The following RYR3 variants were observed in gnomAD, a reference collection of about 807,000 sequenced individuals.
The protein encoded by RYR3 is ryanodine receptor 3.
In RYR3, 207 loss-of-function variants were observed where a neutral mutation model predicts 584.3. The observed-to-expected ratio is 0.35, with a 90% CI of 0.32 to 0.40. RYR3 has a LOEUF of 0.40. Ranked by LOEUF, RYR3 falls within the 10% of genes least tolerant of loss-of-function variation. The probability of loss-of-function intolerance (pLI) is 1.00; values close to 1 mark genes in which losing one functional copy is unlikely to be tolerated. For missense variants in RYR3, 5,616 were observed against 6,089.2 expected (o/e 0.92, Z 2.59); for synonymous variants, 2,416 against 2,248.5 (o/e 1.07, Z -2.11).
chr15:33,640,469 A>C (rs35692607), intron 27 of RYR3, among the ~76,000 whole-genome samples: 13 of 151,800 alleles, frequency 8.6e-5, no homozygotes, highest in Non-Finnish European at 1.8e-4. Flanking sequence ...GCGGTCATCT[A>C]CCTCCCTCTC....
At chr15:33,809,013 C>T (rs1183681000) in intron 70 of RYR3, among the ~76,000 whole-genome samples, 1 of 152,156 alleles carries the variant, frequency 6.6e-6, no homozygotes, top group East Asian at 1.9e-4. Flanking sequence ...ATTGCAGCCG[C>T]CACAAGTGCT....
intron 28 of RYR3, among the ~76,000 whole-genome samples, chr15:33,644,980 G>A (rs1341717388): frequency 1.3e-5 from 2 of 151,840 alleles, no homozygotes; most frequent in African/African-American, 2.4e-5. Flanking sequence ...TCACTGCACT[G>A]TAGCCTGGGT....
chr15:33,450,153 G>A (rs1242217636), intron 1 of RYR3, among the ~76,000 whole-genome samples: 1 of 139,800 alleles, frequency 7.2e-6, no homozygotes, highest in Non-Finnish European at 1.5e-5. Flanking sequence ...TCTCAAATGG[G>A]AGAATTCCAG....
intron 27 of RYR3, among the ~76,000 whole-genome samples, chr15:33,639,770 T>C (rs1168887476): frequency 6.6e-6 from 1 of 152,208 alleles, no homozygotes; most frequent in Non-Finnish European, 1.5e-5. Flanking sequence ...TTATGCATCA[T>C]AGATTATATG....
intron 67 of RYR3, among the ~76,000 whole-genome samples, chr15:33,793,924 C>A (rs201936213): frequency 7.1e-6 from 1 of 141,778 alleles, no homozygotes; most frequent in Admixed American, 7.3e-5. Flanking sequence ...CACACACACT[C>A]TATATATATA....
At chr15:33,452,724 A>C (rs1478612619) in intron 1 of RYR3, among the ~76,000 whole-genome samples, 1 of 152,134 alleles carries the variant, frequency 6.6e-6, no homozygotes, top group Non-Finnish European at 1.5e-5. Flanking sequence ...AAAAATTGCC[A>C]AAAGTTACAT....
In RYR3 at chr15:33,773,632, G is replaced by C; in HGVS notation, c.9137+17G>C. ...TGTTGAAAGGTAATTAGTGAACGAA[G>C]AGGCTAACACTTTCAGGCATAGTAA... On this transcript the variant is annotated intron_variant, in intron 64 of 103. Transcript: ENST00000634891. 1 of 1,507,548 alleles carries C rather than the reference G, an allele frequency of 6.6e-7. No individual in the cohort carries two copies. Among genetic ancestry groups the C allele is most frequent in the Non-Finnish European group, 9.2e-7 (1 of 1,091,650 alleles). 93.4% of individuals were successfully genotyped at this position (1,507,548 alleles called of 1,614,324 possible).
chr15:33,816,474 T>C (rs2076818007), intron 74 of RYR3, among the ~76,000 whole-genome samples: 2 of 152,186 alleles, frequency 1.3e-5, no homozygotes, highest in South Asian at 4.1e-4. Context: ...TTAGATTGGA[T>C]TACCTAGAAG....
Position 33,584,409 on chromosome 15 carries a change from G to T in RYR3, c.1588G>T (p.Gly530Ter). The change falls in exon 15 of 104, where the codon GGA becomes TGA. Residue 530 changes from glycine to a stop codon, truncating the protein, a stop_gained. Transcript: ENST00000634891. LOFTEE classifies it high-confidence loss of function. Reference sequence around the variant, plus strand: ...CTTGTTTGCAGCTGCTCTCATTCGCGGAAACAGAAACAATTGCGCTCAATT... The same window carrying T: ...CTTGTTTGCAGCTGCTCTCATTCGCTGAAACAGAAACAATTGCGCTCAATT... ...LYKLLAALIR[G>*]NRNNCAQFSN... is the part of the protein sequence containing the mutation. 6.2e-7 allele frequency: 1 copy of T among 1,602,980 alleles called. No homozygotes were observed. Among genetic ancestry groups the T allele is most frequent in the South Asian group, 1.1e-5 (1 of 89,986 alleles).
chr15:33,839,237 TAGA>T (rs1053399081), intron 89 of RYR3, among the ~76,000 whole-genome samples: 3 of 152,232 alleles, frequency 2.0e-5, no homozygotes, highest in South Asian at 2.1e-4. Context: ...AGACTTTTAT[TAGA>T]AGGTTAGTTC....
rs149804992 is a variant in RYR3 at position 33,395,393 on chromosome 15, C to T, written c.52-78026C>T. Among the ~76,000 whole-genome samples the T allele has an allele frequency of 5.0e-3, 764 of 152,272 alleles. 4 individuals are homozygous for T. Among genetic ancestry groups the T allele is most frequent in the African/African-American group, 0.017 (718 of 41,550 alleles). On this transcript the variant is annotated intron_variant, in intron 1 of 103. Coordinates refer to ENST00000634891, the MANE Select transcript of RYR3 (RefSeq NM_001036.6). ...ATGTTTGTGATAGTTTCTTAAAAAC[C>T]GAAACTTAAAATGGAACCACTTAGG...
intron 39 of RYR3, among the ~76,000 whole-genome samples, chr15:33,696,931 C>T (rs191547127): frequency 6.4e-4 from 96 of 149,294 alleles, no homozygotes; most frequent in African/African-American, 2.2e-3. Context: ...AGATAACTTT[C>T]CCCTTAACAG....
intron 46 of RYR3, among the ~76,000 whole-genome samples, chr15:33,728,651 T>C (rs1386619885): frequency 1.3e-5 from 2 of 152,232 alleles, no homozygotes; most frequent in Admixed American, 6.5e-5. Context: ...AGCATTTCCA[T>C]TGAGCATCAT....
chr15:33,524,636 A>T (rs117169433), intron 3 of RYR3, among the ~76,000 whole-genome samples: 3,883 of 152,300 alleles, frequency 0.025, 62 homozygotes, highest in Non-Finnish European at 0.04. Flanking sequence ...CTTGCCTGGA[A>T]TCTCATCAGC....
In RYR3 at chr15:33,601,464, G is replaced by A. The variant is rs1293345051; in HGVS notation, c.1834G>A (p.Val612Met). The A allele has an allele frequency of 6.8e-6, 11 of 1,613,474 alleles. No homozygotes were observed. The South Asian group carries it at 1.2e-4, about 18-fold the overall frequency. The change falls in exon 17 of 104, where the codon GTG becomes ATG. Residue 612 changes from valine to methionine, a missense_variant. Physicochemically the swap from Val to Met is conservative, Grantham distance 21. Coordinates refer to ENST00000634891, the MANE Select transcript of RYR3 (RefSeq NM_001036.6). Reference sequence around the variant, plus strand: ...CCTCTGTCTCTGCAATGGGGTTGCAGTGAGAGCCAACCAGAATCTGATCTG... The same window carrying A: ...CCTCTGTCTCTGCAATGGGGTTGCAATGAGAGCCAACCAGAATCTGATCTG... ...CSLCLCNGVA[V>M]RANQNLICDN... is the part of the protein sequence containing the mutation.
intron 3 of RYR3, among the ~76,000 whole-genome samples, chr15:33,521,687 C>G (rs938485366): frequency 3.9e-5 from 6 of 152,194 alleles, no homozygotes; most frequent in Admixed American, 1.3e-4. Context: ...CTGTGGGTGT[C>G]GAAGGTGGGG....
intron 16 of RYR3, among the ~76,000 whole-genome samples, chr15:33,591,027 A>G (rs2059104790): frequency 6.6e-6 from 1 of 152,190 alleles, no homozygotes; most frequent in African/African-American, 2.4e-5. Context: ...AGTGAAAAAG[A>G]CAGGAGTGTG....
chr15:33,674,777 A>G (rs537840684), intron 38 of RYR3, among the ~76,000 whole-genome samples: 1 of 132,010 alleles, frequency 7.6e-6, no homozygotes, highest in South Asian at 2.4e-4. Context: ...TAAGAAGGAA[A>G]AGGCATTTTT....
chr15:33,428,711 A>G (rs1437819208), intron 1 of RYR3, among the ~76,000 whole-genome samples: 3 of 131,718 alleles, frequency 2.3e-5, no homozygotes, highest in Non-Finnish European at 4.9e-5. Flanking sequence ...AGTCAGACCC[A>G]ATTAAGTTAG....
Sources: gnomAD v4.1 joint callset for allele counts (sites outside exome capture counted in the v4.1 genomes callset) on GRCh38, gnomAD v4.1.1 for gene constraint, MANE v1.5 for transcripts, NCBI Gene and HGNC (gene_info 2026-07-23, HGNC 2026-07-21) for gene names.